Variants in CCDC12 observed in about 807,000 individuals in gnomAD.
The protein encoded by CCDC12 is coiled-coil domain-containing protein 12.
Under a neutral mutation model 25.7 loss-of-function variants are expected in CCDC12, and 28 were observed. The ratio of observed to expected loss-of-function variants is 1.09; its 90% CI spans 0.81 to 1.50. The LOEUF (loss-of-function observed/expected upper bound fraction) is 1.50. CCDC12 is among the 40% of genes most tolerant of loss of function. The probability of loss-of-function intolerance (pLI) is 0.00; values close to 1 mark genes in which losing one functional copy is unlikely to be tolerated. For synonymous variants in CCDC12, 75 were observed against 87.7 expected, an observed-to-expected ratio of 0.86 and a Z score of 0.81; for missense variants, 198 against 210.0, an observed-to-expected ratio of 0.94 and a Z score of 0.35.
intron 3 of CCDC12, 139 bp from the exon 4 acceptor site, chr3:46,923,807 A>G: frequency 1.6e-6 from 1 of 626,780 alleles, no homozygotes; most frequent in Non-Finnish European, 2.5e-6. Flanking sequence ...GCAACCAGCC[A>G]GAGGTGAAGA....
In CCDC12 at chr3:46,938,517, T is replaced by TA. The variant is rs1190252725; in HGVS notation, c.164+2480_164+2481insT. Among the ~76,000 whole-genome samples the TA allele has an allele frequency of 2.2e-4, 27 of 124,106 alleles. 1 individual carries two copies. The South Asian group carries it at 7.3e-3, about 34-fold the overall frequency. 81.4% of individuals were successfully genotyped at this position (124,106 alleles called of 152,430 possible). ...ATTCCAGACAGGTTTGTTCCCCTCC[T>TA]GTTTTTTTTTTTTTTTTTTTTTTTT... On this transcript the variant is annotated intron_variant, in intron 2 of 6. Coordinates refer to ENST00000683445, the MANE Select transcript of CCDC12 (RefSeq NM_001277074.2).
At chr3:46,970,660 G>A (rs2034777616) in intron 1 of CCDC12, among the ~76,000 whole-genome samples, 1 of 152,342 alleles carries the variant, frequency 6.6e-6, no homozygotes, top group East Asian at 1.9e-4. Context: ...CTGTCTCAGA[G>A]CAGCAAGAGA....
intron 1 of CCDC12, among the ~76,000 whole-genome samples, chr3:46,972,783 A>AG (rs59050372): frequency 0.067 from 10,136 of 151,288 alleles, 1,152 homozygotes; most frequent in African/African-American, 0.23. Flanking sequence ...TAAAAAAAAA[A>AG]AAAGAAAGAA....
intron 1 of CCDC12, among the ~76,000 whole-genome samples, chr3:46,959,078 T>G (rs2034386514): frequency 6.6e-6 from 1 of 152,168 alleles, no homozygotes; most frequent in Non-Finnish European, 1.5e-5. Flanking sequence ...TGCTCTCTGG[T>G]GTGATCTACA....
At chr3:46,933,069 G>T (rs1051312886) in intron 2 of CCDC12, among the ~76,000 whole-genome samples, 1 of 152,226 alleles carries the variant, frequency 6.6e-6, no homozygotes, top group Non-Finnish European at 1.5e-5. Flanking sequence ...AGTGACTGGG[G>T]CCTGGCCAGG....
intron 2 of CCDC12, chr3:46,940,485 C>T (rs747165503): frequency 1.3e-5 from 2 of 154,096 alleles, no homozygotes; most frequent in Non-Finnish European, 1.4e-5. Context: ...TGTGAAGACC[C>T]AGACATCAAA....
At chr3:46,933,251 C>T (rs1318926687) in intron 2 of CCDC12, among the ~76,000 whole-genome samples, 1 of 152,222 alleles carries the variant, frequency 6.6e-6, no homozygotes, top group African/African-American at 2.4e-5. Context: ...CCTTCCTCAG[C>T]CCTAAAAATT....
intron 2 of CCDC12, among the ~76,000 whole-genome samples, chr3:46,926,873 T>C (rs1346819202): frequency 6.6e-6 from 1 of 152,082 alleles, no homozygotes; most frequent in Non-Finnish European, 1.5e-5. Context: ...CAGTCTGCCA[T>C]CTCCCAAGCC....
At chr3:46,928,202 T>G (rs1281253654) in intron 2 of CCDC12, among the ~76,000 whole-genome samples, 2 of 151,668 alleles carry the variant, frequency 1.3e-5, no homozygotes, top group Non-Finnish European at 2.9e-5. Context: ...TGAGCTGAGA[T>G]CGCACCACTG....
At chr3:46,963,732 G>A (rs1329992177) in intron 1 of CCDC12, among the ~76,000 whole-genome samples, 2 of 152,268 alleles carry the variant, frequency 1.3e-5, no homozygotes, top group Non-Finnish European at 2.9e-5. Flanking sequence ...TGCCGGGATT[G>A]CAGATGGAGT....
intron 1 of CCDC12, among the ~76,000 whole-genome samples, chr3:46,943,366 C>G (rs1286593743): frequency 6.6e-6 from 1 of 152,224 alleles, no homozygotes. Flanking sequence ...ACCCTGAAGG[C>G]TACTCCCTGC....
intron 2 of CCDC12, among the ~76,000 whole-genome samples, chr3:46,932,683 A>T (rs887794351): frequency 3.3e-5 from 5 of 152,214 alleles, no homozygotes; most frequent in Non-Finnish European, 7.3e-5. Context: ...GGGGGTGGAC[A>T]GGCCTCCAAG....
In CCDC12 at chr3:46,940,455, G is replaced by A. The variant is rs541116246; in HGVS notation, c.164+543C>T. On this transcript the variant is annotated intron_variant, in intron 2 of 6. Coordinates refer to ENST00000683445, the MANE Select transcript of CCDC12 (RefSeq NM_001277074.2). ...GAGGGACACAGACAACGAGAAAGGC[G>A]CCCTTTGAGCTGAACTCTATGTGAA... Among the ~76,000 whole-genome samples, 16 of 152,306 alleles carry A rather than the reference G, an allele frequency of 1.1e-4. No homozygotes were observed. The South Asian group carries it at 1.7e-3, about 16-fold the overall frequency.
chr3:46,942,540 C>T (rs1025568348), intron 1 of CCDC12, among the ~76,000 whole-genome samples: 7 of 152,228 alleles, frequency 4.6e-5, no homozygotes, highest in African/African-American at 1.4e-4. Context: ...TGACAACTGC[C>T]TTCCTAAGAA....
At chr3:46,923,271 T>A in intron 5 of CCDC12, 58 bp downstream of exon 5, 2 of 1,441,010 alleles carry the variant, frequency 1.4e-6, no homozygotes, top group Non-Finnish European at 1.8e-6. Flanking sequence ...CCCAGGCCCA[T>A]GCTGGCACCA....
intron 2 of CCDC12, among the ~76,000 whole-genome samples, chr3:46,934,105 T>C (rs1166185307): frequency 6.6e-6 from 1 of 152,176 alleles, no homozygotes; most frequent in Non-Finnish European, 1.5e-5. Context: ...ATTTAAATTT[T>C]AAAACAGGAG....
intron 3 of CCDC12, chr3:46,925,038 C>T (rs934782869): frequency 2.8e-5 from 10 of 356,596 alleles, no homozygotes; most frequent in South Asian, 6.3e-5. Context: ...CCACACTGCC[C>T]GTCCACTGCT....
chr3:46,940,119 A>C (rs1224276696), intron 2 of CCDC12, among the ~76,000 whole-genome samples: 4 of 152,198 alleles, frequency 2.6e-5, no homozygotes, highest in African/African-American at 9.7e-5. Flanking sequence ...AGACCTCTGG[A>C]ACTGCTGACA....
intron 2 of CCDC12, among the ~76,000 whole-genome samples, chr3:46,933,011 T>C (rs1159648920): frequency 6.6e-6 from 1 of 152,242 alleles, no homozygotes; most frequent in Non-Finnish European, 1.5e-5. Flanking sequence ...GCTTCCTGCA[T>C]CTGGCTCCTC....
Sources: gnomAD v4.1 joint callset for allele counts (sites outside exome capture counted in the v4.1 genomes callset) on GRCh38, gnomAD v4.1.1 for gene constraint, MANE v1.5 for transcripts, NCBI Gene and HGNC (gene_info 2026-07-23, HGNC 2026-07-21) for gene names.